Variants in GABRR3 observed in about 807,000 individuals in gnomAD.
GABRR3 encodes the protein gamma-aminobutyric acid receptor subunit rho-3.
In GABRR3, 29 loss-of-function variants were observed where a neutral mutation model predicts 43.2. The observed-to-expected ratio is 0.67, with a 90% CI of 0.50 to 0.92. The LOEUF is 0.92. Among genes scored for constraint, GABRR3 ranks in the 40% least tolerant of loss-of-function variants. The pLI, the probability that GABRR3 is intolerant of heterozygous loss-of-function variation, is 0.00. For synonymous variants in GABRR3, 206 were observed against 195.9 expected, an observed-to-expected ratio of 1.05 and a Z score of -0.43; for missense variants, 576 against 572.3, an observed-to-expected ratio of 1.01 and a Z score of -0.07.
intron 1 of GABRR3, 91 bp from the exon 2 acceptor site, chr3:98,035,080 C>A: frequency 2.1e-6 from 3 of 1,448,502 alleles, no homozygotes; most frequent in Non-Finnish European, 2.8e-6. Flanking sequence ...AAAAAACAAA[C>A]AGCATGTCAG....
At chr3:98,009,751 AC>A in intron 5 of GABRR3, among the ~76,000 whole-genome samples, 1 of 152,324 alleles carries the variant, frequency 6.6e-6, no homozygotes, top group South Asian at 2.1e-4. Flanking sequence ...TTTGCAAAAA[AC>A]AAAGGCAACA....
chr3:98,007,000 G>A (rs1032731019), intron 7 of GABRR3, among the ~76,000 whole-genome samples: 3 of 152,106 alleles, frequency 2.0e-5, no homozygotes, highest in Non-Finnish European at 2.9e-5. Context: ...CATCTGTCAC[G>A]TGCCAAGAAC....
At chr3:98,027,455 C>G (rs1227037474) in intron 2 of GABRR3, among the ~76,000 whole-genome samples, 1 of 152,214 alleles carries the variant, frequency 6.6e-6, no homozygotes, top group Non-Finnish European at 1.5e-5. Context: ...TCTTTTAATA[C>G]AGCTAAATGG....
intron 3 of GABRR3, among the ~76,000 whole-genome samples, chr3:98,023,660 A>G (rs756611955): frequency 3.7e-5 from 5 of 134,186 alleles, no homozygotes; most frequent in Admixed American, 8.1e-5. Context: ...AAAGTAAAAA[A>G]AGATAAAGAA....
intron 3 of GABRR3, among the ~76,000 whole-genome samples, chr3:98,022,480 G>A (rs1041887490): frequency 3.3e-5 from 5 of 152,154 alleles, no homozygotes; most frequent in Admixed American, 6.6e-5. Flanking sequence ...TTTGTGTTGC[G>A]GACAAGCATA....
chr3:98,025,598 G>C, exon 3 of GABRR3: 1 of 1,610,876 alleles, frequency 6.2e-7, no homozygotes, highest in Non-Finnish European at 8.5e-7. Context: ...CGAAATCGTT[G>C]TCCTCTATAT....
chr3:98,031,977 T>C (rs984497550), intron 2 of GABRR3, among the ~76,000 whole-genome samples: 1 of 151,988 alleles, frequency 6.6e-6, no homozygotes, highest in Admixed American at 6.6e-5. Flanking sequence ...CAGTTTATAG[T>C]AGTGTTTTAT....
rs150973534 is a variant in GABRR3 at position 98,007,630 on chromosome 3, G to A, written c.754+134C>T. On this transcript the variant is annotated intron_variant, in intron 7 of 9. Coordinates refer to ENST00000621172, the Ensembl canonical transcript of GABRR3. ...TATGGAAGGGTGGAGCTTGCTCCCT[G>A]TAAAAGGAGAGGAATGATGGTGCTG... The A allele has an allele frequency of 6.0e-5, 55 of 921,866 alleles. No homozygotes were observed. The African/African-American group carries it at 7.6e-4, about 13-fold the overall frequency. The allele number at this position is 921,866 out of a possible 1,614,324, so 57.1% of individuals were successfully genotyped here. A position where few individuals can be genotyped will look rare whatever the true frequency, so the allele number is the denominator to read the frequency against.
chr3:98,018,185 C>G (rs1185098590), intron 3 of GABRR3, among the ~76,000 whole-genome samples: 1 of 152,080 alleles, frequency 6.6e-6, no homozygotes, highest in African/African-American at 2.4e-5. Flanking sequence ...AATGTTGGGA[C>G]CTTTTCTCTG....
chr3:98,033,552 T>C (rs1296868830), intron 2 of GABRR3, among the ~76,000 whole-genome samples: 1 of 152,164 alleles, frequency 6.6e-6, no homozygotes, highest in East Asian at 1.9e-4. Context: ...TTAGCTACTA[T>C]AGTCATCTCT....
chr3:97,990,381 C>T lies in GABRR3; in HGVS notation c.1104+2471G>A, dbSNP rs1053465935. On this transcript the variant is annotated intron_variant, in intron 9 of 9. Coordinates refer to ENST00000621172, the Ensembl canonical transcript of GABRR3. ...TTTTTTAGACGGAGTCTTATTCTGTCGTCCAGGCTGGAGAGCAGTGGCAGT... is the reference window on the plus strand; with the variant it reads ...TTTTTTAGACGGAGTCTTATTCTGTTGTCCAGGCTGGAGAGCAGTGGCAGT... Among the ~76,000 whole-genome samples the T allele has an allele frequency of 2.6e-4, 40 of 151,516 alleles. 1 individual carries two copies. Among genetic ancestry groups the T allele is most frequent in the South Asian group, 2.1e-4 (1 of 4,804 alleles).
chr3:98,004,158 C>T (rs1706692611), intron 7 of GABRR3, among the ~76,000 whole-genome samples: 1 of 152,028 alleles, frequency 6.6e-6, no homozygotes, highest in Non-Finnish European at 1.5e-5. Flanking sequence ...CCTTCAATGG[C>T]CCTTTGAAAG....
downstream of GABRR3, among the ~76,000 whole-genome samples, chr3:97,985,861 T>TA (rs1559771656): frequency 7.8e-4 from 6 of 7,710 alleles, no homozygotes; most frequent in African/African-American, 8.8e-4. Context: ...ATATATATAT[T>TA]TTTTTTTATT....
chr3:98,014,504 C>G (rs1348190182), intron 4 of GABRR3, among the ~76,000 whole-genome samples: 1 of 152,216 alleles, frequency 6.6e-6, no homozygotes, highest in East Asian at 1.9e-4. Flanking sequence ...GCAAAATCTT[C>G]TAAACCAATC....
intron 2 of GABRR3, among the ~76,000 whole-genome samples, chr3:98,029,413 C>A (rs1275113677): frequency 1.3e-5 from 2 of 151,982 alleles, no homozygotes; most frequent in Non-Finnish European, 2.9e-5. Context: ...CTCAGGGGGA[C>A]TAAGAGGGTC....
At chr3:98,000,670 C>A (rs1284820821) in intron 8 of GABRR3, 1 of 151,970 alleles carries the variant, frequency 6.6e-6, no homozygotes, top group Non-Finnish European at 1.5e-5. Flanking sequence ...AACTTACAAA[C>A]CACCCTTTCT....
At chr3:97,995,327 G>T (rs998970207) in intron 8 of GABRR3, among the ~76,000 whole-genome samples, 1 of 151,974 alleles carries the variant, frequency 6.6e-6, no homozygotes, top group African/African-American at 2.4e-5. Flanking sequence ...ATAAAACATA[G>T]AACTTATTTT....
intron 2 of GABRR3, among the ~76,000 whole-genome samples, chr3:98,032,636 A>T (rs1239327584): frequency 2.0e-5 from 3 of 152,194 alleles, no homozygotes; most frequent in Admixed American, 2.0e-4. Context: ...GAAACAAAAG[A>T]TATGTTTGAA....
intron 9 of GABRR3, among the ~76,000 whole-genome samples, chr3:97,988,988 T>C (rs1559772429): frequency 7.1e-6 from 1 of 140,736 alleles, no homozygotes; most frequent in African/African-American, 2.7e-5. Flanking sequence ...GTGGTCATGG[T>C]TGGTGGTGTT....
Sources: gnomAD v4.1 joint callset for allele counts (sites outside exome capture counted in the v4.1 genomes callset) on GRCh38, gnomAD v4.1.1 for gene constraint, MANE v1.5 for transcripts, NCBI Gene and HGNC (gene_info 2026-07-23, HGNC 2026-07-21) for gene names.